FOXP1: variants seen among roughly 807,000 people sequenced by gnomAD.
FOXP1 encodes forkhead box protein P1.
In FOXP1, 15 loss-of-function variants were observed where a neutral mutation model predicts 98.2. The observed-to-expected ratio is 0.15, with a 90% CI of 0.10 to 0.24. The LOEUF (loss-of-function observed/expected upper bound fraction) is 0.24, where lower values mean the gene tolerates loss of function less well. Ranked by LOEUF, FOXP1 falls within the 10% of genes least tolerant of loss-of-function variation. The pLI, the probability that FOXP1 is intolerant of heterozygous loss-of-function variation, is 1.00. For missense variants in FOXP1, 633 were observed against 848.5 expected (o/e 0.75, Z 3.15); for synonymous variants, 371 against 314.5 (o/e 1.18, Z -1.90).
chr3:71,267,124 A>AGAGAGTGTGTGTGT (rs142661368), intron 5 of FOXP1, among the ~76,000 whole-genome samples: 228 of 148,400 alleles, frequency 1.5e-3, no homozygotes, highest in African/African-American at 4.8e-3. Context: ...TATGGGAGAG[A>AGAGAGTGTGTGTGT]GTGTGTGTGT....
At chr3:71,101,084 G>A (rs1304528457) in intron 7 of FOXP1, among the ~76,000 whole-genome samples, 1 of 152,138 alleles carries the variant, frequency 6.6e-6, no homozygotes, top group African/African-American at 2.4e-5. Context: ...GGTGGCAGCA[G>A]GGGAAACACA....
chr3:71,111,417 G>A (rs1247415661), intron 7 of FOXP1, among the ~76,000 whole-genome samples: 2 of 152,090 alleles, frequency 1.3e-5, no homozygotes, highest in African/African-American at 4.8e-5. Flanking sequence ...TGTTTTTTGA[G>A]ATGGAGTTTC....
At chr3:70,964,197 G>C (rs1264223985) in intron 20 of FOXP1, among the ~76,000 whole-genome samples, 1 of 152,194 alleles carries the variant, frequency 6.6e-6, no homozygotes, top group Non-Finnish European at 1.5e-5. Flanking sequence ...TGACATTTTT[G>C]TGTAGGGTTT....
At chr3:71,192,218 T>C (rs2063025953) in intron 6 of FOXP1, among the ~76,000 whole-genome samples, 1 of 152,084 alleles carries the variant, frequency 6.6e-6, no homozygotes, top group Non-Finnish European at 1.5e-5. Flanking sequence ...TCTAACAAAG[T>C]TCATAAGCCA....
chr3:71,274,055 C>A (rs1173243553), intron 5 of FOXP1, among the ~76,000 whole-genome samples: 1 of 152,138 alleles, frequency 6.6e-6, no homozygotes, highest in African/African-American at 2.4e-5. Context: ...ACTAATTTTC[C>A]CAAGTAGAAA....
chr3:71,483,355 C>G (rs1290275565), intron 3 of FOXP1, among the ~76,000 whole-genome samples: 1 of 152,098 alleles, frequency 6.6e-6, no homozygotes, highest in Non-Finnish European at 1.5e-5. Context: ...ATTATTTCAT[C>G]AGAAACCGAA....
intron 5 of FOXP1, among the ~76,000 whole-genome samples, chr3:71,200,382 G>C (rs570898544): frequency 6.6e-6 from 1 of 152,298 alleles, no homozygotes; most frequent in Admixed American, 6.5e-5. Context: ...GAAAACTAAG[G>C]ATCCACAAGT....
chr3:71,465,380 C>T (rs1025804002), intron 3 of FOXP1, among the ~76,000 whole-genome samples: 35 of 151,380 alleles, frequency 2.3e-4, no homozygotes, highest in African/African-American at 8.5e-4. Context: ...TCATCTTCTT[C>T]ATAACAATGC....
At chr3:71,040,058 T>C (rs912492780) in intron 11 of FOXP1, among the ~76,000 whole-genome samples, 1 of 152,020 alleles carries the variant, frequency 6.6e-6, no homozygotes, top group Non-Finnish European at 1.5e-5. Context: ...TGGTAACCAC[T>C]CATGGTTTTA....
chr3:71,363,738 T>A (rs994257814), intron 3 of FOXP1, among the ~76,000 whole-genome samples: 1 of 152,204 alleles, frequency 6.6e-6, no homozygotes, highest in Admixed American at 6.5e-5. Context: ...CCATTTCTTT[T>A]TCCTGAACAC....
intron 4 of FOXP1, among the ~76,000 whole-genome samples, chr3:71,331,784 G>C (rs1352947106): frequency 2.0e-5 from 3 of 152,144 alleles, no homozygotes; most frequent in Non-Finnish European, 4.4e-5. Flanking sequence ...ACGCCAATCA[G>C]TACTCTGTGT....
chr3:70,998,845 C>T (rs1318673863), intron 13 of FOXP1, among the ~76,000 whole-genome samples: 3 of 152,138 alleles, frequency 2.0e-5, no homozygotes, highest in Admixed American at 1.3e-4. Flanking sequence ...TTCTCCTGAC[C>T]TCTTTTTGTG....
chr3:71,052,980 A>G (rs976923690), intron 8 of FOXP1, among the ~76,000 whole-genome samples: 1 of 152,160 alleles, frequency 6.6e-6, no homozygotes, highest in Non-Finnish European at 1.5e-5. Context: ...GGCACTATGC[A>G]GTGTTATTCA....
chr3:71,002,589 T>C (rs1437221687), intron 12 of FOXP1, among the ~76,000 whole-genome samples: 1 of 152,188 alleles, frequency 6.6e-6, no homozygotes, highest in Non-Finnish European at 1.5e-5. Flanking sequence ...AATGGCCTAG[T>C]TCAGGTGTTC....
rs956732651 is a variant in FOXP1, at chr3:71,111,491, G to A, written c.282+1045C>T. Among the ~76,000 whole-genome samples, 10 of 152,182 alleles carry A rather than the reference G, an allele frequency of 6.6e-5. No individual in the cohort carries two copies. In the East Asian group the frequency reaches 7.7e-4, roughly 12 times the overall value. ...TGGCTCACTGCAACCTCCACCTCCC[G>A]GGTTCAAGCGATTCTCCTGCCTCAG... is the stretch of plus-strand genomic sequence containing the variant. On this transcript the variant is annotated intron_variant, in intron 7 of 20. Coordinates refer to ENST00000649528, the MANE Select transcript of FOXP1 (RefSeq NM_001349338.3).
At chr3:71,552,149 T>C (rs1015508951) in intron 2 of FOXP1, among the ~76,000 whole-genome samples, 4 of 152,126 alleles carry the variant, frequency 2.6e-5, no homozygotes, top group African/African-American at 9.7e-5. Context: ...CCAGTATTAC[T>C]GAACATTATT....
chr3:71,323,073 C>A (rs1326560204), intron 4 of FOXP1, among the ~76,000 whole-genome samples: 1 of 151,792 alleles, frequency 6.6e-6, no homozygotes, highest in East Asian at 1.9e-4. Flanking sequence ...CAAGTTCAAG[C>A]AATTCTCTTG....
rs541709195 is a variant in FOXP1 at position 71,037,034 on chromosome 3, C to T, written c.869+4294G>A. 1.3e-3 allele frequency among the ~76,000 whole-genome samples: 202 copies of T among 152,286 alleles called. 1 individual carries two copies. The highest frequency in any genetic ancestry group is 4.6e-3 in the African/African-American group (193 of 41,568). On this transcript the variant is annotated intron_variant, in intron 11 of 20. Coordinates refer to ENST00000649528, the MANE Select transcript of FOXP1 (RefSeq NM_001349338.3). Reference sequence around the variant, plus strand: ...TTGGATATGCCACTAACCACCAGTTCTATGACCCTGGGTTAGTTATTTAAT... The same window carrying T: ...TTGGATATGCCACTAACCACCAGTTTTATGACCCTGGGTTAGTTATTTAAT...
chr3:71,543,202 T>C (rs148475942), intron 2 of FOXP1, among the ~76,000 whole-genome samples: 100 of 152,288 alleles, frequency 6.6e-4, no homozygotes, highest in African/African-American at 2.3e-3. Context: ...CGCTCTGTAA[T>C]AGGCAAGCTG....
Sources: allele counts gnomAD v4.1 joint callset (sites outside exome capture counted in the v4.1 genomes callset), GRCh38; gene constraint gnomAD v4.1.1; transcripts MANE v1.5; gene names NCBI Gene and HGNC (gene_info 2026-07-23, HGNC 2026-07-21).